TMEM270: variants seen among roughly 807,000 people sequenced by gnomAD.
The protein encoded by TMEM270 is transmembrane protein 270, also known as Williams-Beuren syndrome chromosome region 28.
A neutral mutation model predicts 29.9 loss-of-function variants in TMEM270; 30 were observed. That is an observed-to-expected ratio of 1.00 (90% CI 0.75 to 1.36). The LOEUF (loss-of-function observed/expected upper bound fraction) is 1.36, where lower values mean the gene tolerates loss of function less well. TMEM270 is among the 40% of genes most tolerant of loss of function. TMEM270 has a pLI of 0.00. For missense variants in TMEM270, 313 were observed against 307.1 expected, an observed-to-expected ratio of 1.02 and a Z score of -0.14; for synonymous variants, 135 against 139.8, an observed-to-expected ratio of 0.97 and a Z score of 0.24.
chr7:73,861,592 G>T, intron 1 of TMEM270: 1 of 469,824 alleles, frequency 2.1e-6, no homozygotes. Flanking sequence ...GGGACTATAG[G>T]TGTGCACCAC....
intron 1 of TMEM270, among the ~76,000 whole-genome samples, chr7:73,864,046 G>A (rs191299036): frequency 6.7e-6 from 1 of 150,096 alleles, no homozygotes; most frequent in East Asian, 2.0e-4. Context: ...GGGAGGCTGA[G>A]GCAGGAGGAT....
rs1303463498 is a variant in TMEM270, at chr7:73,864,908, A to AAC, written c.73-84_73-83insCA. 4.7e-6 allele frequency: 6 copies of AAC among 1,280,952 alleles called. No homozygotes were observed. The East Asian group carries it at 1.0e-4, about 22-fold the overall frequency. The allele number at this position is 1,280,952 out of a possible 1,614,324, so 79.3% of individuals were successfully genotyped here. On this transcript the variant is annotated intron_variant, in intron 1 of 2. Transcript: ENST00000320531. Reference sequence around the variant, plus strand: ...ACAAGAGTGAAACTCCGTCTCAAAAAAAAAAAAAAGAAAAAGAAAAAGTGG... The same window carrying AAC: ...ACAAGAGTGAAACTCCGTCTCAAAAAACAAAAAAAAAGAAAAAGAAAAAGTGG...
intron 1 of TMEM270, among the ~76,000 whole-genome samples, chr7:73,862,041 C>A (rs546042564): frequency 6.6e-6 from 1 of 151,572 alleles, no homozygotes; most frequent in African/African-American, 2.4e-5. Context: ...TTGTGATCTG[C>A]CCGCCTCAGC....
At chr7:73,863,779 C>T (rs565056833) in intron 1 of TMEM270, among the ~76,000 whole-genome samples, 31 of 152,288 alleles carry the variant, frequency 2.0e-4, no homozygotes, top group East Asian at 5.8e-4. Flanking sequence ...ATGTCTCTCA[C>T]GCCTCCCTGC....
At chr7:73,862,731 A>G (rs545022337) in intron 1 of TMEM270, among the ~76,000 whole-genome samples, 14 of 151,694 alleles carry the variant, frequency 9.2e-5, no homozygotes, top group African/African-American at 2.9e-4. Flanking sequence ...GTGGTGGTGC[A>G]TGCCTGTAAT....
rs1788899727 is a variant in TMEM270, at chr7:73,865,836, G to A, written c.761G>A (p.Gly254Glu). 1 of 1,612,890 alleles carries A rather than the reference G, an allele frequency of 6.2e-7. No homozygotes were observed. Among genetic ancestry groups the A allele is most frequent in the Admixed American group, 1.7e-5 (1 of 59,980 alleles). Residue 254 changes from glycine (G) to glutamate (E), a missense_variant, in exon 3 of 3, where the codon GGA (glycine) becomes GAA (glutamate). Transcript: ENST00000320531. ...SLSASSDSES[G>E]TVLPEQETPR... is the part of the protein sequence containing the mutation. ...TCTGCGTCCTCGGACTCAGAGTCTG[G>A]AACAGTTTTGCCAGAGCAAGAAACT...
At chr7:73,862,005 G>A (rs1326805948) in intron 1 of TMEM270, among the ~76,000 whole-genome samples, 1 of 149,614 alleles carries the variant, frequency 6.7e-6, no homozygotes, top group East Asian at 2.0e-4. Flanking sequence ...GACCCTGTTA[G>A]CCAGGATGGT....
At position 73,861,265 on chromosome 7, in the gene TMEM270, TGGTGAGTGGGGGCTGGG is replaced by T; in HGVS notation, c.72+3_72+19del. Reference sequence around the variant, plus strand: ...TTGCAGGTTACGAGGCTCTCAGTGCTGGTGAGTGGGGGCTGGGGGTAAGTGGGGTGGGGACCACACAC... The same window carrying T: ...TTGCAGGTTACGAGGCTCTCAGTGCTGGTAAGTGGGGTGGGGACCACACAC... On this transcript the variant is annotated splice_donor_variant and splice_donor_5th_base_variant and coding_sequence_variant and intron_variant, in exon 1 of 3. Transcript: ENST00000320531. LOFTEE classifies it high-confidence loss of function. 6.5e-7 allele frequency: 1 copy of T among 1,536,314 alleles called. No homozygotes were observed. Among genetic ancestry groups the T allele is most frequent in the Non-Finnish European group, 8.9e-7 (1 of 1,120,110 alleles).
upstream of TMEM270, chr7:73,861,016 GC>G (rs1441840486): frequency 6.3e-6 from 4 of 637,434 alleles, no homozygotes; most frequent in Admixed American, 9.7e-5. Context: ...GACCTCCTTG[GC>G]CGTGTTGGGC....
At chr7:73,860,981 C>T (rs539634926), upstream of TMEM270, among the ~76,000 whole-genome samples, 16 of 152,222 alleles carry the variant, frequency 1.1e-4, no homozygotes, top group African/African-American at 3.4e-4. Context: ...TGGGGAAATC[C>T]GACCCGAAGG....
chr7:73,861,711 T>G (rs932715024), intron 1 of TMEM270: 4 of 279,196 alleles, frequency 1.4e-5, no homozygotes, highest in South Asian at 1.4e-4. Flanking sequence ...CTTCCTGAGG[T>G]GCTGGGATTA....
intron 1 of TMEM270, 147 bp from the exon 2 acceptor site, chr7:73,864,846 T>C (rs1584355114): frequency 4.5e-6 from 3 of 667,210 alleles, no homozygotes; most frequent in East Asian, 3.0e-5. Flanking sequence ...GAGGTTGCAG[T>C]GAGCCGAGAT....
At chr7:73,864,828 G>A (rs907792479) in intron 1 of TMEM270, among the ~76,000 whole-genome samples, 165 bp from the exon 2 acceptor site, 2 of 151,716 alleles carry the variant, frequency 1.3e-5, no homozygotes, top group Non-Finnish European at 2.9e-5. Flanking sequence ...GCCCGAAACC[G>A]GGAAGTGGAG....
chr7:73,861,544 G>T (rs1406750642), intron 1 of TMEM270: 5 of 583,856 alleles, frequency 8.6e-6, no homozygotes, highest in African/African-American at 1.8e-5. Flanking sequence ...CCAACTCCCG[G>T]TCTCAAGCAA....
chr7:73,861,361 C>T (rs1005490043), intron 1 of TMEM270, 95 bp downstream of exon 1: 3 of 1,236,410 alleles, frequency 2.4e-6, no homozygotes, highest in Non-Finnish European at 3.4e-6. Flanking sequence ...CTGCCTGTCC[C>T]ATCCAGTGGA....
intron 1 of TMEM270, among the ~76,000 whole-genome samples, chr7:73,863,394 T>C (rs1554639561): frequency 1.4e-5 from 2 of 146,878 alleles, no homozygotes; most frequent in Non-Finnish European, 3.0e-5. Flanking sequence ...CTGGAATTCT[T>C]TTTTTTTTTT....
chr7:73,865,015 T>G lies in TMEM270; in HGVS notation c.95T>G (p.Leu32Arg). 2 of 1,511,540 alleles carry G rather than the reference T, an allele frequency of 1.3e-6. No homozygotes were observed. The highest frequency in any genetic ancestry group is 2.7e-5 in the South Asian group (2 of 74,446). The allele number at this position is 1,511,540 out of a possible 1,614,324, so 93.6% of individuals were successfully genotyped here. Residue 32 changes from leucine to arginine, a missense_variant, in exon 2 of 3, where the codon CTC becomes CGC. Transcript: ENST00000320531. Reference sequence around the variant, plus strand: ...CAGTTGGTTCAGAACCGAGATCACCTCTATAATTTCCTGCTCCTCAAGATC... The same window carrying G: ...CAGTTGGTTCAGAACCGAGATCACCGCTATAATTTCCTGCTCCTCAAGATC... ...SVLLVQNRDH[L>R]YNFLLLKINL... is the part of the protein sequence containing the mutation.
intron 2 of TMEM270, 63 bp from the exon 3 acceptor site, chr7:73,865,514 A>G: frequency 6.3e-7 from 1 of 1,581,822 alleles, no homozygotes; most frequent in Non-Finnish European, 8.6e-7. Context: ...GGGGAGCCAC[A>G]GCCAAGCAGT....
upstream of TMEM270, chr7:73,861,122 C>A (rs1584352529): frequency 4.6e-6 from 7 of 1,514,088 alleles, no homozygotes; most frequent in Non-Finnish European, 9.2e-7. Context: ...CCCATGGTAA[C>A]TTGGTCCCCA....
Sources: gnomAD v4.1 joint callset for allele counts (sites outside exome capture counted in the v4.1 genomes callset) on GRCh38, gnomAD v4.1.1 for gene constraint, MANE v1.5 for transcripts, NCBI Gene and HGNC (gene_info 2026-07-23, HGNC 2026-07-21) for gene names.